Variants in C12orf42 observed in about 807,000 individuals in gnomAD.
The protein encoded by C12orf42 is chromosome 12 open reading frame 42.
A neutral mutation model predicts 21.6 loss-of-function variants in C12orf42; 25 were observed. The observed-to-expected ratio is 1.16, with a 90% CI of 0.84 to 1.62. C12orf42 has a LOEUF of 1.62. Ranked by LOEUF, C12orf42 falls within the 40% of genes most tolerant of loss-of-function variation. The pLI, the probability that C12orf42 is intolerant of heterozygous loss-of-function variation, is 0.00. For synonymous variants in C12orf42, 174 were observed against 175.0 expected, an observed-to-expected ratio of 0.99 and a Z score of 0.05; for missense variants, 483 against 459.3, an observed-to-expected ratio of 1.05 and a Z score of -0.47.
At chr12:103,166,266 GGT>G in the C12orf42 span, among the ~76,000 whole-genome samples, 2 of 152,080 alleles carry the variant, frequency 1.3e-5, no homozygotes, top group Admixed American at 6.6e-5. Context: ...AGGTTTATAG[GGT>G]GGTTGTTCTG....
At chr12:103,122,020 C>T in the C12orf42 span, among the ~76,000 whole-genome samples, 1 of 152,096 alleles carries the variant, frequency 6.6e-6, no homozygotes, top group East Asian at 1.9e-4. Flanking sequence ...AGCCATGGCA[C>T]TATTGTTTTT....
intron 2 of C12orf42, among the ~76,000 whole-genome samples, chr12:103,411,122 A>C (rs1021667333): frequency 2.0e-4 from 30 of 152,220 alleles, no homozygotes; most frequent in South Asian, 1.4e-3. Flanking sequence ...TCCCTTGTCC[A>C]TGCTGTAGTG....
chr12:103,273,153 T>C (rs76578334), intron 5 of C12orf42, among the ~76,000 whole-genome samples: 3,193 of 152,286 alleles, frequency 0.021, 41 homozygotes, highest in Non-Finnish European at 0.035. Context: ...TGACTCAGTC[T>C]AGGACCATCT....
At chr12:103,562,470 G>A in the C12orf42 span, among the ~76,000 whole-genome samples, 3 of 152,228 alleles carry the variant, frequency 2.0e-5, no homozygotes, top group East Asian at 1.9e-4. Flanking sequence ...CCAGTGAAAG[G>A]GGGCCATGCA....
the C12orf42 span, among the ~76,000 whole-genome samples, chr12:103,556,867 AGAG>A: frequency 6.6e-6 from 1 of 152,002 alleles, no homozygotes; most frequent in African/African-American, 2.4e-5. Context: ...AGAGACACAC[AGAG>A]AAGAGACAGA....
chr12:103,353,951 C>G (rs963169631), intron 4 of C12orf42, among the ~76,000 whole-genome samples: 2 of 152,070 alleles, frequency 1.3e-5, no homozygotes, highest in African/African-American at 4.8e-5. Flanking sequence ...TTCAGGGAAT[C>G]AGAGAGAGAG....
chr12:103,062,770 C>T, the C12orf42 span, among the ~76,000 whole-genome samples: 117 of 152,096 alleles, frequency 7.7e-4, no homozygotes, highest in African/African-American at 2.4e-3. Context: ...TTTAAATCTG[C>T]GGCTTGAAGT....
chr12:103,445,923 A>G (rs182202458), intron 2 of C12orf42, among the ~76,000 whole-genome samples: 45 of 152,060 alleles, frequency 3.0e-4, no homozygotes, highest in Admixed American at 9.2e-4. Flanking sequence ...TGGTTTTTGT[A>G]TATGGCAAGA....
At chr12:103,424,294 C>T (rs1014967295) in intron 2 of C12orf42, among the ~76,000 whole-genome samples, 1 of 152,206 alleles carries the variant, frequency 6.6e-6, no homozygotes, top group Non-Finnish European at 1.5e-5. Flanking sequence ...AAATATGTTG[C>T]TACTTCCTTT....
At chr12:103,231,878 A>G in the C12orf42 span, among the ~76,000 whole-genome samples, 9 of 152,224 alleles carry the variant, frequency 5.9e-5, no homozygotes, top group Non-Finnish European at 1.5e-5. Context: ...GTTTTGTAGA[A>G]AACTGCCAAA....
chr12:103,177,122 G>A, the C12orf42 span, among the ~76,000 whole-genome samples: 1 of 149,690 alleles, frequency 6.7e-6, no homozygotes, highest in Non-Finnish European at 1.5e-5. Flanking sequence ...AAGGCAAATG[G>A]AAAAAAAAAA....
chr12:103,346,880 T>C (rs1387455064), intron 4 of C12orf42, among the ~76,000 whole-genome samples: 1 of 152,132 alleles, frequency 6.6e-6, no homozygotes, highest in African/African-American at 2.4e-5. Flanking sequence ...AACTACATAC[T>C]ATCAAAAATG....
At chr12:103,312,773 T>C (rs1452080373) in intron 4 of C12orf42, among the ~76,000 whole-genome samples, 2 of 152,364 alleles carry the variant, frequency 1.3e-5, no homozygotes, top group African/African-American at 4.8e-5. Flanking sequence ...TTATATGAAG[T>C]AATATTGTGG....
chr12:103,484,863 G>GT (rs56025837), intron 1 of C12orf42, among the ~76,000 whole-genome samples: 6,965 of 71,526 alleles, frequency 0.097, 493 homozygotes, highest in Non-Finnish European at 0.11. Flanking sequence ...TCTGGTTTCA[G>GT]TTTTTTTTTT....
At chr12:103,093,887 C>A in the C12orf42 span, among the ~76,000 whole-genome samples, 2 of 152,184 alleles carry the variant, frequency 1.3e-5, no homozygotes, top group East Asian at 1.9e-4. Context: ...TCCTCTGTGT[C>A]GGCAGCCTCC....
the C12orf42 span, among the ~76,000 whole-genome samples, chr12:103,208,676 T>G: frequency 1.3e-5 from 2 of 152,212 alleles, no homozygotes; most frequent in African/African-American, 4.8e-5. Context: ...AGCAATTCCA[T>G]TCTTCACCCA....
the C12orf42 span, among the ~76,000 whole-genome samples, chr12:103,083,701 T>A: frequency 6.6e-6 from 1 of 152,230 alleles, no homozygotes; most frequent in African/African-American, 2.4e-5. Flanking sequence ...AATCAGGTCT[T>A]CTGTGGCTTT....
intron 2 of C12orf42, among the ~76,000 whole-genome samples, chr12:103,430,075 G>A (rs1016899924): frequency 7.2e-5 from 11 of 152,164 alleles, no homozygotes; most frequent in African/African-American, 2.4e-4. Flanking sequence ...AAGACCTCAT[G>A]ACTAAAACAC....
chr12:103,516,670 A>G, the C12orf42 span, among the ~76,000 whole-genome samples: 1 of 152,308 alleles, frequency 6.6e-6, no homozygotes, highest in Middle Eastern at 3.4e-3. Context: ...AACAGCCCCA[A>G]TGACCCAGTC....
Sources: gnomAD v4.1 joint callset for allele counts (sites outside exome capture counted in the v4.1 genomes callset) on GRCh38, gnomAD v4.1.1 for gene constraint, MANE v1.5 for transcripts, NCBI Gene and HGNC (gene_info 2026-07-23, HGNC 2026-07-21) for gene names.